The following FILIP1L variants were observed in gnomAD, a reference collection of about 807,000 sequenced individuals.
The protein encoded by FILIP1L is filamin A-interacting protein 1-like.
Under a neutral mutation model 96.6 loss-of-function variants are expected in FILIP1L, and 55 were observed. The ratio of observed to expected loss-of-function variants is 0.57; its 90% CI spans 0.46 to 0.71. The LOEUF is 0.71. FILIP1L is among the 30% of genes least tolerant of loss of function. The pLI is 0.00. For missense variants in FILIP1L, 1,304 were observed against 1,321.2 expected (o/e 0.99, Z 0.20); for synonymous variants, 467 against 473.9 (o/e 0.99, Z 0.19).
intron 1 of FILIP1L, among the ~76,000 whole-genome samples, chr3:100,083,338 A>G (rs946147423): frequency 3.9e-5 from 6 of 152,230 alleles, no homozygotes; most frequent in South Asian, 2.1e-4. Flanking sequence ...CCCTTAACGT[A>G]TGTTGTGTGG....
chr3:99,989,026 G>A (rs1219674113), intron 1 of FILIP1L, among the ~76,000 whole-genome samples: 2 of 152,142 alleles, frequency 1.3e-5, no homozygotes, highest in Non-Finnish European at 2.9e-5. Flanking sequence ...GGAAAAATTA[G>A]GAATTATTTT....
intron 1 of FILIP1L, among the ~76,000 whole-genome samples, chr3:100,078,785 G>A (rs2065889239): frequency 6.6e-6 from 1 of 152,086 alleles, no homozygotes; most frequent in African/African-American, 2.4e-5. Flanking sequence ...AAGCTACTCG[G>A]GAGGCTAAGG....
intron 1 of FILIP1L, among the ~76,000 whole-genome samples, chr3:99,995,955 C>T (rs1272388536): frequency 6.6e-6 from 1 of 152,192 alleles, no homozygotes; most frequent in East Asian, 1.9e-4. Flanking sequence ...TCTGACATGC[C>T]CTGGAGACAT....
intron 1 of FILIP1L, among the ~76,000 whole-genome samples, chr3:99,960,140 C>T (rs556554478): frequency 1.3e-5 from 2 of 152,166 alleles, no homozygotes; most frequent in Non-Finnish European, 2.9e-5. Context: ...AGTGGTAGCT[C>T]ACAACCTGCC....
At chr3:99,876,361 G>A (rs894116303) in intron 4 of FILIP1L, among the ~76,000 whole-genome samples, 1 of 152,094 alleles carries the variant, frequency 6.6e-6, no homozygotes, top group South Asian at 2.1e-4. Flanking sequence ...CGTGGTTCCC[G>A]GCTCCCAGCG....
intron 4 of FILIP1L, among the ~76,000 whole-genome samples, chr3:99,885,445 A>G (rs189654905): frequency 6.1e-4 from 93 of 152,376 alleles, no homozygotes; most frequent in Non-Finnish European, 1.1e-3. Flanking sequence ...AATTATGACT[A>G]GCCCAATTAC....
intron 4 of FILIP1L, among the ~76,000 whole-genome samples, chr3:99,918,325 A>G (rs1316683022): frequency 1.3e-5 from 2 of 152,162 alleles, no homozygotes; most frequent in African/African-American, 2.4e-5. Context: ...GGAATTTGCC[A>G]AAAGTTATAC....
In FILIP1L at chr3:99,848,883, C is replaced by T. The variant is rs375851105; in HGVS notation, c.2793G>A (p.Thr931=). ...SPTTESPHSY[T]STAVIPNCGT... is the part of the protein sequence containing the mutation. ...CACAGTTCGGTATCACTGCAGTACTCGTGTAAGAGTGAGGACTCTCTGTGG... is the reference window on the plus strand; with the variant it reads ...CACAGTTCGGTATCACTGCAGTACTTGTGTAAGAGTGAGGACTCTCTGTGG... The change falls in exon 5 of 6, where the codon ACG becomes ACA. Residue 931 remains threonine (T), a synonymous_variant. Transcript: ENST00000477258. The T allele has an allele frequency of 6.8e-6, 11 of 1,613,916 alleles. No homozygotes were observed. Among genetic ancestry groups the T allele is most frequent in the East Asian group, 2.2e-5 (1 of 44,884 alleles).
At chr3:100,045,424 A>G (rs747183160) in intron 1 of FILIP1L, among the ~76,000 whole-genome samples, 54 of 152,362 alleles carry the variant, frequency 3.5e-4, no homozygotes, top group Middle Eastern at 3.4e-3. Flanking sequence ...AATCTGTGAA[A>G]ATATGTGTAT....
chr3:99,992,181 AT>A (rs1277629055), intron 1 of FILIP1L, among the ~76,000 whole-genome samples: 16 of 151,982 alleles, frequency 1.1e-4, no homozygotes, highest in Admixed American at 2.6e-4. Flanking sequence ...TTGGATATAT[AT>A]CCCAGTAGTG....
chr3:99,928,272 C>T (rs1310941104), intron 3 of FILIP1L, among the ~76,000 whole-genome samples: 1 of 152,072 alleles, frequency 6.6e-6, no homozygotes, highest in Non-Finnish European at 1.5e-5. Context: ...ACTTCCTAGA[C>T]CGAGGAAAAG....
intron 1 of FILIP1L, among the ~76,000 whole-genome samples, chr3:100,106,483 G>T (rs150707768): frequency 3.3e-4 from 51 of 152,244 alleles, no homozygotes; most frequent in African/African-American, 1.2e-3. Flanking sequence ...AGATGATCTG[G>T]AGCCACCCAT....
At chr3:99,931,139 C>T in intron 1 of FILIP1L, 109 bp from the exon 2 acceptor site, 1 of 872,892 alleles carries the variant, frequency 1.1e-6, no homozygotes, top group East Asian at 2.5e-5. Context: ...ACCACAGCCC[C>T]AAAGTCAATC....
At chr3:99,975,400 T>C (rs964048036) in intron 1 of FILIP1L, among the ~76,000 whole-genome samples, 5 of 152,152 alleles carry the variant, frequency 3.3e-5, no homozygotes, top group Non-Finnish European at 7.3e-5. Flanking sequence ...AAGACCAGCT[T>C]GACCAACATG....
rs981990210 is a variant in FILIP1L at position 99,950,657 on chromosome 3, C to T, written c.-10-19627G>A. Reference sequence around the variant, plus strand: ...CCCACTCACCATTTCCAATATTCGCCTCCCCAGACAGAAAGAGGAATGGAG... The same window carrying T: ...CCCACTCACCATTTCCAATATTCGCTTCCCCAGACAGAAAGAGGAATGGAG... On this transcript the variant is annotated intron_variant, in intron 1 of 5. Transcript: ENST00000477258. Among the ~76,000 whole-genome samples the T allele has an allele frequency of 3.3e-5, 5 of 152,162 alleles. No homozygotes were observed. In the South Asian group the frequency reaches 1.0e-3, roughly 32 times the overall value.
At chr3:99,993,654 T>C (rs1024294335) in intron 1 of FILIP1L, among the ~76,000 whole-genome samples, 1 of 152,164 alleles carries the variant, frequency 6.6e-6, no homozygotes, top group Non-Finnish European at 1.5e-5. Context: ...GTGTTCCTTC[T>C]ATGCCTAGTT....
At chr3:99,882,815 G>A (rs973550572) in intron 4 of FILIP1L, among the ~76,000 whole-genome samples, 2 of 152,174 alleles carry the variant, frequency 1.3e-5, no homozygotes, top group Non-Finnish European at 1.5e-5. Flanking sequence ...ACATTAATGA[G>A]CTAGTTGTCT....
chr3:99,854,607 C>T (rs1205536251), intron 4 of FILIP1L, among the ~76,000 whole-genome samples: 1 of 152,148 alleles, frequency 6.6e-6, no homozygotes, highest in East Asian at 1.9e-4. Flanking sequence ...TGGAGATCAT[C>T]TTGTGCACTA....
chr3:100,013,527 A>G (rs1288519523), intron 1 of FILIP1L, among the ~76,000 whole-genome samples: 1 of 152,192 alleles, frequency 6.6e-6, no homozygotes, highest in Non-Finnish European at 1.5e-5. Flanking sequence ...TACAGGCATG[A>G]GCCACCACAC....
Sources: gnomAD v4.1 joint callset for allele counts (sites outside exome capture counted in the v4.1 genomes callset) on GRCh38, gnomAD v4.1.1 for gene constraint, MANE v1.5 for transcripts, NCBI Gene and HGNC (gene_info 2026-07-23, HGNC 2026-07-21) for gene names.